CCDC85A: variants seen among roughly 807,000 people sequenced by gnomAD.
CCDC85A encodes the protein coiled-coil domain-containing protein 85A.
CCDC85A carries 38 observed loss-of-function variants against 50.2 expected under a neutral mutation model. The observed-to-expected ratio is 0.76, with a 90% CI of 0.58 to 0.99. CCDC85A has a LOEUF of 0.99. Among genes scored for constraint, CCDC85A ranks in the 50% least tolerant of loss-of-function variants. The pLI is 0.00. For synonymous variants in CCDC85A, 366 were observed against 301.4 expected, an observed-to-expected ratio of 1.21 and a Z score of -2.22; for missense variants, 820 against 742.0, an observed-to-expected ratio of 1.11 and a Z score of -1.22.
intron 2 of CCDC85A, among the ~76,000 whole-genome samples, chr2:56,318,770 A>G (rs1185917996): frequency 6.6e-6 from 1 of 152,064 alleles, no homozygotes; most frequent in Non-Finnish European, 1.5e-5. Flanking sequence ...CTTTGTATTC[A>G]TTTGTATTTA....
Position 56,193,088 on chromosome 2 carries a change from G to A in CCDC85A, c.888G>A (p.Pro296=), listed in dbSNP as rs556270823. Residue 296 remains proline, a synonymous_variant, in exon 2 of 6, where the codon CCG becomes CCA. Coordinates refer to ENST00000407595, the MANE Select transcript of CCDC85A (RefSeq NM_001080433.2). ...GCAGCCCCGAACAGCAAAGGCACCCGCATCCAGGGAGCAGCCCCGAAACGC... is the reference window on the plus strand; with the variant it reads ...GCAGCCCCGAACAGCAAAGGCACCCACATCCAGGGAGCAGCCCCGAAACGC... ...CKGSPEQQRH[P]HPGSSPETLP... 11 of 1,613,564 alleles carry A rather than the reference G, an allele frequency of 6.8e-6. No homozygotes were observed. Among genetic ancestry groups the A allele is most frequent in the Middle Eastern group, 1.7e-4 (1 of 6,060 alleles).
At chr2:56,268,207 C>T (rs1466339727) in intron 2 of CCDC85A, among the ~76,000 whole-genome samples, 1 of 152,126 alleles carries the variant, frequency 6.6e-6, no homozygotes, top group East Asian at 1.9e-4. Flanking sequence ...AATCAATTAT[C>T]TTATGGAACA....
At chr2:56,260,896 A>T (rs1670189710) in intron 2 of CCDC85A, among the ~76,000 whole-genome samples, 1 of 152,246 alleles carries the variant, frequency 6.6e-6, no homozygotes, top group South Asian at 2.1e-4. Flanking sequence ...ACCTTTGATT[A>T]TTAGAACTCC....
At chr2:56,189,894 G>A (rs1178337388) in intron 1 of CCDC85A, among the ~76,000 whole-genome samples, 1 of 152,182 alleles carries the variant, frequency 6.6e-6, no homozygotes, top group East Asian at 1.9e-4. Flanking sequence ...CTGCCTGGGA[G>A]GCTGTTGGCA....
At chr2:56,195,967 C>T (rs1476921017) in intron 2 of CCDC85A, among the ~76,000 whole-genome samples, 2 of 152,298 alleles carry the variant, frequency 1.3e-5, no homozygotes, top group African/African-American at 2.4e-5. Context: ...CACATATGCA[C>T]ACTGAGAGGA....
intron 3 of CCDC85A, among the ~76,000 whole-genome samples, chr2:56,365,832 A>G (rs923228761): frequency 1.3e-5 from 2 of 152,162 alleles, no homozygotes; most frequent in Non-Finnish European, 2.9e-5. Context: ...TATAGTCACC[A>G]TGCTGTACAG....
At chr2:56,246,344 C>A (rs904827132) in intron 2 of CCDC85A, among the ~76,000 whole-genome samples, 3 of 152,046 alleles carry the variant, frequency 2.0e-5, no homozygotes, top group Non-Finnish European at 4.4e-5. Flanking sequence ...TTATTACATT[C>A]CTGATAATGT....
chr2:56,219,831 C>T (rs1668244002), intron 2 of CCDC85A, among the ~76,000 whole-genome samples: 2 of 151,938 alleles, frequency 1.3e-5, no homozygotes, highest in East Asian at 3.9e-4. Flanking sequence ...ATCAGGCTTG[C>T]TGCCAGACCC....
At chr2:56,314,713 A>T (rs1437549500) in intron 2 of CCDC85A, among the ~76,000 whole-genome samples, 3 of 152,196 alleles carry the variant, frequency 2.0e-5, no homozygotes, top group Non-Finnish European at 4.4e-5. Context: ...GATTTCTCAG[A>T]TGCCTGCCAT....
chr2:56,216,425 G>T (rs142338075), intron 2 of CCDC85A, among the ~76,000 whole-genome samples: 1 of 151,668 alleles, frequency 6.6e-6, no homozygotes, highest in Non-Finnish European at 1.5e-5. Context: ...TTTTTTGCCA[G>T]TATGATGGGT....
chr2:56,372,794 A>C (rs868471275), intron 4 of CCDC85A, among the ~76,000 whole-genome samples: 19 of 152,332 alleles, frequency 1.2e-4, no homozygotes, highest in Admixed American at 5.9e-4. Flanking sequence ...AGACAAGCTC[A>C]GAAAAGTACT....
At chr2:56,358,418 G>A (rs116295512) in intron 3 of CCDC85A, among the ~76,000 whole-genome samples, 2,185 of 152,226 alleles carry the variant, frequency 0.014, 53 homozygotes, top group African/African-American at 0.05. Flanking sequence ...TACTGCTTCC[G>A]TTTAAGCACC....
chr2:56,372,226 A>G (rs1573363146), intron 3 of CCDC85A, 118 bp from the exon 4 acceptor site: 1 of 998,256 alleles, frequency 1.0e-6, no homozygotes. Context: ...TGCATGTTAC[A>G]GCTTGCCATT....
At position 56,291,773 on chromosome 2, in the gene CCDC85A, C is replaced by CTT. The variant is rs35549209; in HGVS notation, c.1241-51088_1241-51087dup. Among the ~76,000 whole-genome samples, 953 of 115,496 alleles carry CTT rather than the reference C, an allele frequency of 8.3e-3. 19 individuals are homozygous for CTT. Among genetic ancestry groups the CTT allele is most frequent in the African/African-American group, 0.029 (896 of 30,444 alleles). 75.8% of individuals were successfully genotyped at this position (115,496 alleles called of 152,430 possible). On this transcript the variant is annotated intron_variant, in intron 2 of 5. Coordinates refer to ENST00000407595, the MANE Select transcript of CCDC85A (RefSeq NM_001080433.2). ...TTTTACTCAAAGAAAAATGGGAAGG[C>CTT]TTTTTTTTTTTTTTTTTTTAGACTT... is the stretch of plus-strand genomic sequence containing the variant.
At chr2:56,353,574 C>T (rs1675065187) in intron 3 of CCDC85A, among the ~76,000 whole-genome samples, 1 of 152,102 alleles carries the variant, frequency 6.6e-6, no homozygotes, top group Admixed American at 6.5e-5. Context: ...TATTCAAGAA[C>T]AGATAGAGAG....
At chr2:56,353,057 A>C (rs1171192522) in intron 3 of CCDC85A, among the ~76,000 whole-genome samples, 1 of 152,124 alleles carries the variant, frequency 6.6e-6, no homozygotes, top group Admixed American at 6.5e-5. Flanking sequence ...ACAACTTTAC[A>C]CTATATTGGG....
chr2:56,330,491 A>G (rs1480396990), intron 2 of CCDC85A, among the ~76,000 whole-genome samples: 2 of 152,204 alleles, frequency 1.3e-5, no homozygotes, highest in Non-Finnish European at 2.9e-5. Context: ...TGGGAACAGA[A>G]TGATGAGGGC....
chr2:56,311,048 T>G (rs1047241400), intron 2 of CCDC85A, among the ~76,000 whole-genome samples: 6 of 152,204 alleles, frequency 3.9e-5, no homozygotes. Flanking sequence ...TCCTTAGACC[T>G]TTCCATGGAT....
chr2:56,271,316 G>A (rs1477670112), intron 2 of CCDC85A, among the ~76,000 whole-genome samples: 2 of 152,180 alleles, frequency 1.3e-5, no homozygotes, highest in East Asian at 3.9e-4. Context: ...GTGTTTAGGT[G>A]AGTGTGGAAT....
Sources: gnomAD v4.1 joint callset for allele counts (sites outside exome capture counted in the v4.1 genomes callset) on GRCh38, gnomAD v4.1.1 for gene constraint, MANE v1.5 for transcripts, NCBI Gene and HGNC (gene_info 2026-07-23, HGNC 2026-07-21) for gene names.